Variants in DOK6 observed in about 807,000 individuals in gnomAD.
DOK6 encodes the protein downstream of tyrosine kinase 6.
DOK6 carries 22 observed loss-of-function variants against 44.0 expected under a neutral mutation model. The observed-to-expected ratio is 0.50, with a 90% confidence interval of 0.36 to 0.71. The LOEUF is 0.71. Ranked by LOEUF, DOK6 falls within the 30% of genes least tolerant of loss-of-function variation. The probability of loss-of-function intolerance (pLI) is 0.00; values close to 1 mark genes in which losing one functional copy is unlikely to be tolerated. For missense variants in DOK6, 340 were observed against 416.4 expected, an observed-to-expected ratio of 0.82 and a Z score of 1.60; for synonymous variants, 166 against 145.5, an observed-to-expected ratio of 1.14 and a Z score of -1.01.
chr18:69,651,677 CG>C (rs899157550), intron 3 of DOK6, among the ~76,000 whole-genome samples: 1 of 151,710 alleles, frequency 6.6e-6, no homozygotes, highest in African/African-American at 2.4e-5. Context: ...TGAGTAAAGA[CG>C]GGGTTTCACC....
intron 3 of DOK6, among the ~76,000 whole-genome samples, chr18:69,669,674 C>A (rs921113523): frequency 1.3e-5 from 2 of 152,270 alleles, no homozygotes; most frequent in South Asian, 4.1e-4. Flanking sequence ...TCCCGCACCC[C>A]CCCGCCGACC....
At chr18:69,533,250 G>A (rs1391897690) in intron 1 of DOK6, among the ~76,000 whole-genome samples, 1 of 149,772 alleles carries the variant, frequency 6.7e-6, no homozygotes, top group Non-Finnish European at 1.5e-5. Flanking sequence ...GTATAGTATT[G>A]CTCACTAATA....
At chr18:69,626,413 C>A (rs1984558325) in intron 3 of DOK6, among the ~76,000 whole-genome samples, 1 of 152,164 alleles carries the variant, frequency 6.6e-6, no homozygotes, top group Non-Finnish European at 1.5e-5. Flanking sequence ...TTCTTCATTT[C>A]TTTATTCATC....
intron 5 of DOK6, among the ~76,000 whole-genome samples, chr18:69,738,428 A>T (rs1978686484): frequency 6.6e-6 from 1 of 152,216 alleles, no homozygotes; most frequent in South Asian, 2.1e-4. Context: ...AAACTTACCT[A>T]TAATCCTATT....
At chr18:69,718,995 T>A (rs1986944162) in intron 5 of DOK6, among the ~76,000 whole-genome samples, 1 of 152,168 alleles carries the variant, frequency 6.6e-6, no homozygotes, top group Admixed American at 6.6e-5. Flanking sequence ...AAGTCTATGA[T>A]CTTAGAAGAA....
intron 1 of DOK6, among the ~76,000 whole-genome samples, chr18:69,490,704 AAAATAT>A (rs1015320446): frequency 2.0e-5 from 3 of 152,326 alleles, no homozygotes; most frequent in African/African-American, 4.8e-5. Flanking sequence ...AAACAAGCAA[AAAATAT>A]AAATATAAAT....
In DOK6 at chr18:69,594,305, C is replaced by T. The variant is rs188376106; in HGVS notation, c.175-5079C>T. ...ACACATGCACATATATACACACATA[C>T]ATACATACAGATACATGCATATACA... On this transcript the variant is annotated intron_variant, in intron 2 of 7. Coordinates refer to ENST00000382713, the MANE Select transcript of DOK6 (RefSeq NM_152721.6). Among the ~76,000 whole-genome samples, 296 of 151,788 alleles carry T rather than the reference C, an allele frequency of 2.0e-3. 3 individuals carry two copies. The highest frequency in any genetic ancestry group is 6.9e-3 in the African/African-American group (287 of 41,430).
chr18:69,675,668 TAAAAAAAA>T (rs1985905287), intron 3 of DOK6, among the ~76,000 whole-genome samples: 2 of 151,380 alleles, frequency 1.3e-5, no homozygotes, highest in South Asian at 4.2e-4. Context: ...AGTATAATAA[TAAAAAAAA>T]GAAAAAAAGA....
chr18:69,421,527 G>T (rs149620846), intron 1 of DOK6, among the ~76,000 whole-genome samples: 49 of 152,252 alleles, frequency 3.2e-4, no homozygotes, highest in African/African-American at 1.2e-3. Context: ...TTTGCAAAAT[G>T]CCAGGTGCAT....
chr18:69,785,306 T>TA (rs1980397526), intron 7 of DOK6, among the ~76,000 whole-genome samples: 2 of 152,216 alleles, frequency 1.3e-5, no homozygotes, highest in African/African-American at 4.8e-5. Context: ...GGTTTGCAAT[T>TA]ACGCATTTGG....
intron 1 of DOK6, among the ~76,000 whole-genome samples, chr18:69,492,241 A>G (rs1053390439): frequency 6.6e-6 from 1 of 152,172 alleles, no homozygotes; most frequent in Non-Finnish European, 1.5e-5. Context: ...TCACACAATT[A>G]ATTTTAAATT....
rs1460784580 is a variant in DOK6 at position 69,599,424 on chromosome 18, C to T, written c.215C>T (p.Pro72Leu). ...LHNIKNITRLPRETKKHAVAI... is the reference protein window; with the variant it reads ...LHNIKNITRLLRETKKHAVAI... ...AATATCAAAAATATAACCAGACTGCCCCGAGAGACAAAGAAGCATGCGGTG... is the reference window on the plus strand; with the variant it reads ...AATATCAAAAATATAACCAGACTGCTCCGAGAGACAAAGAAGCATGCGGTG... The change falls in exon 3 of 8, where the codon CCC becomes CTC. Residue 72 changes from proline (P) to leucine (L), a missense_variant. Coordinates refer to ENST00000382713, the MANE Select transcript of DOK6 (RefSeq NM_152721.6). The T allele has an allele frequency of 1.2e-6, 2 of 1,613,692 alleles. No homozygotes were observed. Among genetic ancestry groups the T allele is most frequent in the African/African-American group, 1.3e-5 (1 of 74,848 alleles).
chr18:69,512,100 A>C (rs778769851), intron 1 of DOK6, among the ~76,000 whole-genome samples: 4 of 112,516 alleles, frequency 3.6e-5, no homozygotes, highest in Admixed American at 1.0e-4. Flanking sequence ...GCACCCCCCC[A>C]CACACAATCT....
chr18:69,520,580 A>T (rs568998765), intron 1 of DOK6, among the ~76,000 whole-genome samples: 1 of 152,064 alleles, frequency 6.6e-6, no homozygotes, highest in East Asian at 1.9e-4. Context: ...AATTCTACAC[A>T]TAAGTAATTA....
chr18:69,649,482 G>A (rs774899306), intron 3 of DOK6, among the ~76,000 whole-genome samples: 3 of 152,028 alleles, frequency 2.0e-5, no homozygotes, highest in Non-Finnish European at 4.4e-5. Flanking sequence ...AGGGATTTGC[G>A]GCTTCTTTTA....
intron 5 of DOK6, among the ~76,000 whole-genome samples, chr18:69,707,014 T>G (rs1232465698): frequency 6.6e-6 from 1 of 152,158 alleles, no homozygotes; most frequent in Non-Finnish European, 1.5e-5. Context: ...TGTGTCTTTA[T>G]AGCAGCATGA....
intron 3 of DOK6, among the ~76,000 whole-genome samples, chr18:69,630,546 G>A (rs1209256930): frequency 6.6e-6 from 1 of 152,162 alleles, no homozygotes; most frequent in Non-Finnish European, 1.5e-5. Context: ...ACAGCCAAAG[G>A]GCTGAGTGTA....
At chr18:69,497,168 C>T (rs976913743) in intron 1 of DOK6, among the ~76,000 whole-genome samples, 19 of 152,148 alleles carry the variant, frequency 1.2e-4, no homozygotes, top group African/African-American at 4.1e-4. Flanking sequence ...TGTAATCCTT[C>T]TAAAATATTG....
intron 3 of DOK6, among the ~76,000 whole-genome samples, chr18:69,612,634 A>T (rs527467571): frequency 6.8e-6 from 1 of 146,082 alleles, no homozygotes; most frequent in Admixed American, 6.8e-5. Context: ...TTTGCTCCCC[A>T]CTCCCATAGT....
Sources: gnomAD v4.1 joint callset for allele counts (sites outside exome capture counted in the v4.1 genomes callset) on GRCh38, gnomAD v4.1.1 for gene constraint, MANE v1.5 for transcripts, NCBI Gene and HGNC (gene_info 2026-07-23, HGNC 2026-07-21) for gene names.